Variants in CLMN observed in about 807,000 individuals in gnomAD.
CLMN encodes calmin (calponin-like, transmembrane).
CLMN carries 57 observed loss-of-function variants against 92.7 expected under a neutral mutation model. The ratio of observed to expected loss-of-function variants is 0.61; its 90% confidence interval spans 0.50 to 0.77. CLMN has a LOEUF of 0.77. Among genes scored for constraint, CLMN ranks in the 30% least tolerant of loss-of-function variants. CLMN has a pLI of 0.00. For missense variants in CLMN, 1,158 were observed against 1,237.5 expected (o/e 0.94, Z 0.96); for synonymous variants, 466 against 470.6 (o/e 0.99, Z 0.13).
At chr14:95,315,889 A>C (rs376124035) in intron 1 of CLMN, among the ~76,000 whole-genome samples, 1 of 152,238 alleles carries the variant, frequency 6.6e-6, no homozygotes, top group African/African-American at 2.4e-5. Flanking sequence ...GCAAGATGCT[A>C]CGTGCTCGAC....
At chr14:95,209,332 G>A (rs17091919) in intron 8 of CLMN, 63 bp downstream of exon 8, 22 of 1,503,030 alleles carry the variant, frequency 1.5e-5, no homozygotes, top group Admixed American at 1.7e-5. Flanking sequence ...TCCCTGCTTC[G>A]TCTGATGGCC....
intron 1 of CLMN, 43 bp from the exon 2 acceptor site, chr14:95,230,176 T>C (rs2140634117): frequency 6.3e-7 from 1 of 1,579,488 alleles, no homozygotes; most frequent in South Asian, 1.1e-5. Context: ...ATAAGAAGTA[T>C]GTGCAAAATC....
At chr14:95,282,103 G>A (rs1392783614) in intron 1 of CLMN, among the ~76,000 whole-genome samples, 2 of 152,216 alleles carry the variant, frequency 1.3e-5, no homozygotes, top group Non-Finnish European at 1.5e-5. Flanking sequence ...TCTGAAGGAT[G>A]AGTAGGAATT....
intron 1 of CLMN, among the ~76,000 whole-genome samples, chr14:95,297,885 T>G (rs1900877697): frequency 6.6e-6 from 1 of 151,884 alleles, no homozygotes; most frequent in Non-Finnish European, 1.5e-5. Flanking sequence ...CCCACGCATA[T>G]AGTTTTGTGT....
chr14:95,224,818 T>C (rs1260134220), intron 2 of CLMN, among the ~76,000 whole-genome samples: 2 of 152,198 alleles, frequency 1.3e-5, no homozygotes, highest in Non-Finnish European at 2.9e-5. Flanking sequence ...AGTCTTCAAG[T>C]GTGCCCTCCT....
intron 7 of CLMN, 122 bp from the exon 8 acceptor site, chr14:95,209,599 A>G: frequency 1.3e-6 from 1 of 771,304 alleles, no homozygotes. Flanking sequence ...TTTATTTTCC[A>G]CTTGAGGAAC....
chr14:95,311,113 C>T (rs1901516868), intron 1 of CLMN, among the ~76,000 whole-genome samples: 1 of 152,106 alleles, frequency 6.6e-6, no homozygotes, highest in Admixed American at 6.5e-5. Context: ...AGGGCCAGGA[C>T]TGACGGGACA....
At position 95,223,885 on chromosome 14, in the gene CLMN, A is replaced by G. The variant is rs1308130556; in HGVS notation, c.145-30T>C. 2.7e-6 allele frequency: 4 copies of G among 1,474,224 alleles called. No individual in the cohort carries two copies. The African/African-American group carries it at 5.6e-5, about 21-fold the overall frequency. 91.3% of individuals were successfully genotyped at this position (1,474,224 alleles called of 1,614,324 possible). ...GAAAGAGAAGGGAAGAAAGTAGCCA[A>G]TTAGCAACCTGTGTGATCCACAAAG... On this transcript the variant is annotated intron_variant, in intron 2 of 12. Transcript: ENST00000298912.
chr14:95,287,598 G>A (rs182562768), intron 1 of CLMN, among the ~76,000 whole-genome samples: 6 of 152,308 alleles, frequency 3.9e-5, no homozygotes, highest in African/African-American at 1.4e-4. Flanking sequence ...AGGCTGAGGT[G>A]GAGCCTGAGA....
chr14:95,235,933 G>C (rs1595605783), intron 1 of CLMN, among the ~76,000 whole-genome samples: 1 of 152,162 alleles, frequency 6.6e-6, no homozygotes, highest in Non-Finnish European at 1.5e-5. Context: ...GGATGGGTGA[G>C]CTGCAGCACA....
intron 1 of CLMN, among the ~76,000 whole-genome samples, chr14:95,265,132 C>G (rs1038740518): frequency 6.6e-6 from 1 of 151,896 alleles, no homozygotes; most frequent in African/African-American, 2.4e-5. Flanking sequence ...GTCCCAGCTG[C>G]TCTGGGAGGG....
chr14:95,254,482 A>C (rs1340566402), intron 1 of CLMN, among the ~76,000 whole-genome samples: 2 of 152,104 alleles, frequency 1.3e-5, no homozygotes, highest in Non-Finnish European at 2.9e-5. Flanking sequence ...GCTGTGTAGA[A>C]TATACCCTGC....
chr14:95,251,585 G>A (rs930531110), intron 1 of CLMN, among the ~76,000 whole-genome samples: 3 of 152,156 alleles, frequency 2.0e-5, no homozygotes, highest in Non-Finnish European at 4.4e-5. Flanking sequence ...TTGAGAGATA[G>A]GTATTATTAT....
rs372463523 is a variant in CLMN, at chr14:95,202,470, G to A, written c.2511+368C>T. 4.6e-5 allele frequency among the ~76,000 whole-genome samples: 7 copies of A among 152,348 alleles called. No homozygotes were observed. The East Asian group carries it at 5.8e-4, about 13-fold the overall frequency. ...ACTGCCCAGGTACTGAGAATAGTATGCAACGGTTAGTTTTTCAACCCTTGC... is the reference window on the plus strand; with the variant it reads ...ACTGCCCAGGTACTGAGAATAGTATACAACGGTTAGTTTTTCAACCCTTGC... On this transcript the variant is annotated intron_variant, in intron 9 of 12. Coordinates refer to ENST00000298912, the MANE Select transcript of CLMN (RefSeq NM_024734.4).
intron 1 of CLMN, among the ~76,000 whole-genome samples, chr14:95,235,568 C>T (rs1019998603): frequency 2.6e-5 from 4 of 152,092 alleles, no homozygotes; most frequent in African/African-American, 9.7e-5. Flanking sequence ...CTCGTGGGCA[C>T]TGGGCCAAAA....
chr14:95,229,007 G>T (rs181623298), intron 2 of CLMN, among the ~76,000 whole-genome samples: 1 of 152,164 alleles, frequency 6.6e-6, no homozygotes, highest in African/African-American at 2.4e-5. Flanking sequence ...GAAGAGAGAC[G>T]ATTACCTACA....
chr14:95,238,366 G>A (rs1368920533), intron 1 of CLMN, among the ~76,000 whole-genome samples: 2 of 152,216 alleles, frequency 1.3e-5, no homozygotes, highest in Non-Finnish European at 2.9e-5. Flanking sequence ...AACGTCCTTC[G>A]GTTCCGACTC....
In CLMN at chr14:95,246,329, C is replaced by T. The variant is rs569721865; in HGVS notation, c.83-16196G>A. 2.0e-5 allele frequency among the ~76,000 whole-genome samples: 3 copies of T among 152,182 alleles called. No homozygotes were observed. The South Asian group carries it at 6.2e-4, about 32-fold the overall frequency. On this transcript the variant is annotated intron_variant, in intron 1 of 12. Coordinates refer to ENST00000298912, the MANE Select transcript of CLMN (RefSeq NM_024734.4). Reference sequence around the variant, plus strand: ...CCAATCCTAAACCTGCTGAACCTGCCTCTCCCATTCCTTCCTGTGAAAACC... The same window carrying T: ...CCAATCCTAAACCTGCTGAACCTGCTTCTCCCATTCCTTCCTGTGAAAACC...
chr14:95,209,355 T>A, intron 8 of CLMN, 40 bp downstream of exon 8: 3 of 1,581,962 alleles, frequency 1.9e-6, no homozygotes, highest in Non-Finnish European at 2.6e-6. Context: ...CGGATGGAAA[T>A]GTATGGTGTC....
Sources: allele counts gnomAD v4.1 joint callset (sites outside exome capture counted in the v4.1 genomes callset), GRCh38; gene constraint gnomAD v4.1.1; transcripts MANE v1.5; gene names NCBI Gene and HGNC (gene_info 2026-07-23, HGNC 2026-07-21).